Variants in BMAL1 observed in about 807,000 individuals in gnomAD.
The protein encoded by BMAL1 is basic helix-loop-helix ARNT like 1, also known as basic helix-loop-helix ARNT-like protein 1.
At chr11:13,328,518 T>C in the BMAL1 span, among the ~76,000 whole-genome samples, 1 of 152,100 alleles carries the variant, frequency 6.6e-6, no homozygotes, top group Non-Finnish European at 1.5e-5. Flanking sequence ...CTGGTGCCGA[T>C]GGCCCCTCCA....
chr11:13,346,887 G>A, the BMAL1 span, among the ~76,000 whole-genome samples: 1 of 152,162 alleles, frequency 6.6e-6, no homozygotes, highest in Non-Finnish European at 1.5e-5. Context: ...GCCCACCCTC[G>A]GCAAGGATAC....
the BMAL1 span, among the ~76,000 whole-genome samples, chr11:13,340,054 T>C: frequency 6.6e-6 from 1 of 152,226 alleles, no homozygotes; most frequent in Admixed American, 6.5e-5. Context: ...ATTTGGCTAC[T>C]ACAAGCAGTT....
the BMAL1 span, among the ~76,000 whole-genome samples, chr11:13,282,909 G>A: frequency 6.6e-6 from 1 of 152,224 alleles, no homozygotes. Context: ...GGACGGAGCA[G>A]GTGGAGGGAA....
the BMAL1 span, among the ~76,000 whole-genome samples, chr11:13,327,480 GCC>G: frequency 3.3e-5 from 5 of 151,980 alleles, no homozygotes; most frequent in African/African-American, 7.3e-5. Context: ...AAACTTTCTA[GCC>G]CCTAAGTTTG....
chr11:13,342,685 T>C, the BMAL1 span, among the ~76,000 whole-genome samples: 4 of 152,232 alleles, frequency 2.6e-5, no homozygotes, highest in African/African-American at 9.6e-5. Flanking sequence ...ATGGGATTAG[T>C]GTTCCATGGC....
the BMAL1 span, chr11:13,277,711 A>AGT: frequency 9.1e-6 from 1 of 109,308 alleles, no homozygotes; most frequent in African/African-American, 4.1e-5. Flanking sequence ...TGGGCGGGGA[A>AGT]GGGGGGTTGG....
At chr11:13,369,996 T>C in the BMAL1 span, among the ~76,000 whole-genome samples, 1 of 152,298 alleles carries the variant, frequency 6.6e-6, no homozygotes, top group East Asian at 1.9e-4. Context: ...TCTGTTTAAA[T>C]TGTGTTTCTT....
the BMAL1 span, among the ~76,000 whole-genome samples, chr11:13,302,110 T>G: frequency 6.6e-6 from 1 of 150,854 alleles, no homozygotes; most frequent in African/African-American, 2.4e-5. Context: ...ATTGGAGAGG[T>G]GGGGATGGGA....
At chr11:13,346,666 G>A in the BMAL1 span, among the ~76,000 whole-genome samples, 1 of 152,178 alleles carries the variant, frequency 6.6e-6, no homozygotes. Flanking sequence ...AATGGAGGGT[G>A]CCCTCTCACA....
At chr11:13,318,527 AAAAT>A in the BMAL1 span, among the ~76,000 whole-genome samples, 5 of 150,684 alleles carry the variant, frequency 3.3e-5, no homozygotes, top group African/African-American at 9.8e-5. Flanking sequence ...GTAAATTTGA[AAAAT>A]AAAAGACACT....
chr11:13,342,712 T>C, the BMAL1 span, among the ~76,000 whole-genome samples: 4 of 152,134 alleles, frequency 2.6e-5, no homozygotes, highest in African/African-American at 9.7e-5. Flanking sequence ...TTGGGAAGTG[T>C]TTTTTGAAGA....
the BMAL1 span, among the ~76,000 whole-genome samples, chr11:13,295,962 A>AT: frequency 1.3e-5 from 2 of 151,924 alleles, no homozygotes; most frequent in African/African-American, 4.8e-5. Flanking sequence ...CAATAAGAAT[A>AT]TTTTTGCCTT....
At chr11:13,287,705 G>A in the BMAL1 span, among the ~76,000 whole-genome samples, 1 of 152,298 alleles carries the variant, frequency 6.6e-6, no homozygotes, top group African/African-American at 2.4e-5. Context: ...AGGTATCAGT[G>A]TCTTTTACTG....
At chr11:13,300,011 A>T in the BMAL1 span, among the ~76,000 whole-genome samples, 1 of 152,200 alleles carries the variant, frequency 6.6e-6, no homozygotes, top group Non-Finnish European at 1.5e-5. Flanking sequence ...ACATAGGGAA[A>T]GTTCCCTTCC....
chr11:13,350,010 A>G, the BMAL1 span: 1 of 152,212 alleles, frequency 6.6e-6, no homozygotes, highest in Admixed American at 6.5e-5. Context: ...TGAGGTGACC[A>G]AGTCCAGAGG....
the BMAL1 span, among the ~76,000 whole-genome samples, chr11:13,352,851 G>A: frequency 6.6e-6 from 1 of 152,218 alleles, no homozygotes; most frequent in Non-Finnish European, 1.5e-5. Context: ...GGTAGTGACA[G>A]CTCCAGTCCT....
the BMAL1 span, chr11:13,386,693 C>G: frequency 6.2e-7 from 1 of 1,614,190 alleles, no homozygotes; most frequent in Non-Finnish European, 8.5e-7. Context: ...TCATGAGCCT[C>G]TTGGAAGCAG....
the BMAL1 span, chr11:13,356,390 A>C: frequency 2.3e-5 from 12 of 522,278 alleles, no homozygotes; most frequent in East Asian, 6.1e-4. Context: ...GGGGAGAATG[A>C]GAGGTTATAT....
At chr11:13,369,974 G>T in the BMAL1 span, among the ~76,000 whole-genome samples, 5 of 152,294 alleles carry the variant, frequency 3.3e-5, no homozygotes, top group Middle Eastern at 3.4e-3. Flanking sequence ...AGAGATTTGT[G>T]GAGAGGCCTC....
Sources: gnomAD v4.1 joint callset for allele counts (sites outside exome capture counted in the v4.1 genomes callset) on GRCh38, gnomAD v4.1.1 for gene constraint, MANE v1.5 for transcripts, NCBI Gene and HGNC (gene_info 2026-07-23, HGNC 2026-07-21) for gene names.